RTN4: variants seen among roughly 807,000 people sequenced by gnomAD.
RTN4 encodes the protein reticulon 4, also known as reticulon-4.
Under a neutral mutation model 90.4 loss-of-function variants are expected in RTN4, and 32 were observed. That is an observed-to-expected ratio of 0.35 (90% CI 0.27 to 0.48). The LOEUF is 0.48. Among genes scored for constraint, RTN4 ranks in the 20% least tolerant of loss-of-function variants. The probability of loss-of-function intolerance (pLI) is 0.99; values close to 1 mark genes in which losing one functional copy is unlikely to be tolerated. For missense variants in RTN4, 1,706 were observed against 1,430.2 expected, an observed-to-expected ratio of 1.19 and a Z score of -3.11; for synonymous variants, 629 against 552.5, an observed-to-expected ratio of 1.14 and a Z score of -1.94.
chr2:55,011,718 A>C (rs1003906197), intron 3 of RTN4, among the ~76,000 whole-genome samples: 3 of 152,204 alleles, frequency 2.0e-5, no homozygotes, highest in South Asian at 4.1e-4. Context: ...TGTAAGACTT[A>C]AACATAGAAA....
In RTN4 at chr2:55,043,619, C is replaced by T. The variant is rs547622331; in HGVS notation, c.556+6126G>A. Among the ~76,000 whole-genome samples, 4 of 152,230 alleles carry T rather than the reference C, an allele frequency of 2.6e-5. No individual in the cohort carries two copies. In the East Asian group the frequency reaches 7.7e-4, roughly 29 times the overall value. Reference sequence around the variant, plus strand: ...ATAAAAATAAGGCTGGGAGCAGTGGCTCACACCTGTAATCCCAGAATTGTG... The same window carrying T: ...ATAAAAATAAGGCTGGGAGCAGTGGTTCACACCTGTAATCCCAGAATTGTG... On this transcript the variant is annotated intron_variant, in intron 1 of 8. Coordinates refer to ENST00000337526, the MANE Select transcript of RTN4 (RefSeq NM_020532.5).
upstream of RTN4, among the ~76,000 whole-genome samples, chr2:55,114,339 T>C (rs1668086774): frequency 6.6e-6 from 1 of 152,182 alleles, no homozygotes; most frequent in African/African-American, 2.4e-5. Context: ...CTCACTTCTC[T>C]ATGAAGGGGA....
At chr2:55,118,215 C>T in the RTN4 span, among the ~76,000 whole-genome samples, 6 of 151,998 alleles carry the variant, frequency 3.9e-5, no homozygotes, top group African/African-American at 1.2e-4. Flanking sequence ...CCTGTAATCC[C>T]AGCACTTTGG....
chr2:55,029,552 G>A (rs1317477258), intron 1 of RTN4, among the ~76,000 whole-genome samples: 1 of 152,150 alleles, frequency 6.6e-6, no homozygotes, highest in Non-Finnish European at 1.5e-5. Flanking sequence ...AGCTAGACAA[G>A]GCTGATCAAA....
chr2:54,996,779 G>C (rs1679462333), intron 3 of RTN4, among the ~76,000 whole-genome samples: 2 of 152,128 alleles, frequency 1.3e-5, no homozygotes, highest in South Asian at 4.1e-4. Context: ...TATTGTCGCT[G>C]AGACAAGGTC....
intron 2 of RTN4, among the ~76,000 whole-genome samples, chr2:55,068,537 C>T (rs1434468461): frequency 1.3e-5 from 2 of 152,018 alleles, no homozygotes. Context: ...TAATAAACTA[C>T]TGTCAGTTTT....
intron 6 of RTN4, 63 bp downstream of exon 6, chr2:54,974,632 G>T: frequency 7.7e-7 from 1 of 1,290,592 alleles, no homozygotes; most frequent in Non-Finnish European, 1.1e-6. Flanking sequence ...CCACTAAAAT[G>T]TCTAAGCTCC....
chr2:55,082,953 A>G, intron 1 of RTN4, among the ~76,000 whole-genome samples: 1 of 152,216 alleles, frequency 6.6e-6, no homozygotes, highest in East Asian at 1.9e-4. Flanking sequence ...TCCGTCTCAA[A>G]AAAAAAAGAA....
At chr2:54,994,375 T>C (rs1679255646) in intron 3 of RTN4, among the ~76,000 whole-genome samples, 1 of 152,154 alleles carries the variant, frequency 6.6e-6, no homozygotes, top group Non-Finnish European at 1.5e-5. Context: ...AAAAAGATTA[T>C]ACACCATGGC....
upstream of RTN4, chr2:55,050,763 A>AC (rs1668065155): frequency 6.6e-6 from 1 of 151,830 alleles, no homozygotes; most frequent in African/African-American, 2.4e-5. This position sits in a 1 kb window ranked among gnomAD's most constrained non-coding sequence, Gnocchi z 4.6. Context: ...TGGGAGCTCC[A>AC]CCCCCACTTT....
chr2:54,989,399 C>T (rs955258894), intron 3 of RTN4, among the ~76,000 whole-genome samples: 6 of 152,198 alleles, frequency 3.9e-5, no homozygotes, highest in African/African-American at 1.4e-4. Flanking sequence ...CTGCCTAAAA[C>T]ATCTAAAGGC....
intron 1 of RTN4, among the ~76,000 whole-genome samples, chr2:55,040,438 AGTT>A (rs940906929): frequency 5.9e-5 from 9 of 152,118 alleles, no homozygotes; most frequent in Admixed American, 3.3e-4. Flanking sequence ...AAAAAAAAAA[AGTT>A]GTAACACTTT....
intron 4 of RTN4, among the ~76,000 whole-genome samples, chr2:54,983,082 A>C (rs1383908039): frequency 2.7e-5 from 4 of 149,870 alleles, no homozygotes; most frequent in Admixed American, 2.7e-4. Flanking sequence ...TTTTTTTCTT[A>C]AAGTTGACAC....
At chr2:54,980,692 C>A (rs1335649519) in intron 5 of RTN4, among the ~76,000 whole-genome samples, 1 of 152,184 alleles carries the variant, frequency 6.6e-6, no homozygotes, top group African/African-American at 2.4e-5. Flanking sequence ...CCTCTCTCCC[C>A]CACCAATCTT....
At chr2:55,111,413 C>A (rs182162103) in intron 1 of RTN4, among the ~76,000 whole-genome samples, 2 of 152,338 alleles carry the variant, frequency 1.3e-5, no homozygotes, top group African/African-American at 4.8e-5. Context: ...ATTCTCATCC[C>A]ATAGTGAGAT....
chr2:55,054,790 G>A (rs888081267), upstream of RTN4, among the ~76,000 whole-genome samples: 1 of 152,168 alleles, frequency 6.6e-6, no homozygotes, highest in Admixed American at 6.5e-5. Flanking sequence ...AAAAAAGACT[G>A]AAATATCATT....
chr2:55,039,039 G>A (rs561674797), intron 1 of RTN4, among the ~76,000 whole-genome samples: 11 of 152,212 alleles, frequency 7.2e-5, no homozygotes, highest in Admixed American at 4.6e-4. Flanking sequence ...TTTAAAATAC[G>A]TAAAACTAAT....
intron 1 of RTN4, among the ~76,000 whole-genome samples, chr2:55,111,700 G>A (rs747687360): frequency 3.3e-5 from 5 of 152,256 alleles, no homozygotes; most frequent in Admixed American, 6.5e-5. Context: ...GAAATTCAAC[G>A]AAATCGAAGC....
intron 2 of RTN4, among the ~76,000 whole-genome samples, chr2:55,063,117 T>C (rs1342595326): frequency 6.6e-6 from 1 of 152,194 alleles, no homozygotes; most frequent in African/African-American, 2.4e-5. Context: ...AAATGAACTA[T>C]CATTTTTAGC....
Sources: allele counts gnomAD v4.1 joint callset (sites outside exome capture counted in the v4.1 genomes callset), GRCh38; gene constraint gnomAD v4.1.1; non-coding constraint Gnocchi (gnomAD v3.1); transcripts MANE v1.5; gene names NCBI Gene and HGNC (gene_info 2026-07-23, HGNC 2026-07-21).